The following PCDHAC2 variants were observed in gnomAD, a reference collection of about 807,000 sequenced individuals.
The protein encoded by PCDHAC2 is protocadherin alpha subfamily C, 2.
A neutral mutation model predicts 63.3 loss-of-function variants in PCDHAC2; 24 were observed. The observed-to-expected ratio is 0.38, with a 90% CI of 0.27 to 0.53. The LOEUF is 0.53. Ranked by LOEUF, PCDHAC2 falls within the 20% of genes least tolerant of loss-of-function variation. PCDHAC2 has a pLI of 0.81. For synonymous variants in PCDHAC2, 569 were observed against 529.4 expected, an observed-to-expected ratio of 1.07 and a Z score of -1.03; for missense variants, 1,181 against 1,275.2, an observed-to-expected ratio of 0.93 and a Z score of 1.12.
At chr5:141,005,469 C>T (rs549630927) in intron 3 of PCDHAC2, among the ~76,000 whole-genome samples, 2 of 151,656 alleles carry the variant, frequency 1.3e-5, no homozygotes, top group South Asian at 2.1e-4. Flanking sequence ...TTTGGGAGGC[C>T]GAGACGGGCG....
intron 1 of PCDHAC2, among the ~76,000 whole-genome samples, chr5:140,972,133 C>T (rs532498360): frequency 2.0e-5 from 3 of 152,072 alleles, no homozygotes; most frequent in East Asian, 3.9e-4. Flanking sequence ...CAGTGAGTTA[C>T]TACTATTTTT....
intron 3 of PCDHAC2, among the ~76,000 whole-genome samples, chr5:141,007,992 C>T (rs1215200964): frequency 1.3e-5 from 2 of 152,132 alleles, no homozygotes; most frequent in Admixed American, 6.5e-5. Context: ...ATGAAATGTA[C>T]ATGTTAATAA....
At chr5:140,997,225 C>T (rs1554255781) in intron 3 of PCDHAC2, among the ~76,000 whole-genome samples, 1 of 152,090 alleles carries the variant, frequency 6.6e-6, no homozygotes, top group African/African-American at 2.4e-5. Context: ...CTATCATTAC[C>T]ACCCAACTTC....
chr5:140,997,071 A>G lies in PCDHAC2; in HGVS notation c.2714-12556A>G, dbSNP rs554920320. Among the ~76,000 whole-genome samples, 444 of 152,266 alleles carry G rather than the reference A, an allele frequency of 2.9e-3. 5 individuals carry two copies. Among genetic ancestry groups the G allele is most frequent in the Non-Finnish European group, 4.4e-3 (297 of 68,014 alleles). Reference sequence around the variant, plus strand: ...TTTAGAGCAGTTTTAGGTTCACAGGAAAGTTGAGTAGAAAGTGCAGAGTTC... The same window carrying G: ...TTTAGAGCAGTTTTAGGTTCACAGGGAAGTTGAGTAGAAAGTGCAGAGTTC... On this transcript the variant is annotated intron_variant, in intron 3 of 3. Coordinates refer to ENST00000289269, the MANE Select transcript of PCDHAC2 (RefSeq NM_018899.6).
At chr5:140,991,409 T>C (rs1554252146) in intron 3 of PCDHAC2, among the ~76,000 whole-genome samples, 2 of 152,232 alleles carry the variant, frequency 1.3e-5, no homozygotes, top group Non-Finnish European at 1.5e-5. Flanking sequence ...TTTCCCATTA[T>C]GCTATAACAA....
At chr5:140,986,052 C>A (rs896963006) in intron 3 of PCDHAC2, among the ~76,000 whole-genome samples, 3 of 152,066 alleles carry the variant, frequency 2.0e-5, no homozygotes, top group Admixed American at 1.3e-4. Flanking sequence ...CTGATGAATT[C>A]TTTTGCTTTT....
rs368129984 is a variant in PCDHAC2 at position 140,967,316 on chromosome 5, A to G, written c.550A>G (p.Thr184Ala). ...DPDVGANSVQ[T>A]YELSPSEHFE... ...CGACGTGGGCGCCAACTCAGTACAG[A>G]CCTACGAGCTCAGCCCCAGCGAGCA... The change falls in exon 1 of 4, where the codon ACC (threonine) becomes GCC (alanine). Residue 184 changes from threonine to alanine, a missense_variant. By Grantham distance (58) the Thr-to-Ala change is moderately conservative. Coordinates refer to ENST00000289269, the MANE Select transcript of PCDHAC2 (RefSeq NM_018899.6). The G allele has an allele frequency of 4.3e-6, 7 of 1,610,310 alleles. No individual in the cohort carries two copies. The highest frequency in any genetic ancestry group is 4.0e-5 in the African/African-American group (3 of 74,954).
intron 3 of PCDHAC2, among the ~76,000 whole-genome samples, chr5:141,007,112 G>A (rs1554261059): frequency 6.6e-6 from 1 of 152,170 alleles, no homozygotes; most frequent in African/African-American, 2.4e-5. Flanking sequence ...ACCCAAGGAA[G>A]CTTCAACACA....
At chr5:140,978,795 G>T in intron 1 of PCDHAC2, 154 bp from the exon 2 acceptor site, 1 of 979,238 alleles carries the variant, frequency 1.0e-6, no homozygotes, top group Non-Finnish European at 1.2e-6. Flanking sequence ...TGCTATATAT[G>T]TAGATATCAT....
Position 140,967,000 on chromosome 5 carries a change from C to T in PCDHAC2, c.234C>T (p.Arg78=), listed in dbSNP as rs544624379. The T allele has an allele frequency of 6.1e-5, 98 of 1,604,962 alleles. No individual in the cohort carries two copies. The East Asian group carries it at 2.1e-3, about 35-fold the overall frequency. ...ELRRLGPGCL[R]INHLGAPSPR... is the part of the protein sequence containing the mutation. ...GGCGCTTGGGGCCGGGTTGCTTGCG[C>T]ATCAACCATCTGGGTGCGCCCAGTC... Residue 78 remains arginine, a synonymous_variant, in exon 1 of 4, where the codon CGC becomes CGT. Coordinates refer to ENST00000289269, the MANE Select transcript of PCDHAC2 (RefSeq NM_018899.6).
chr5:140,987,004 A>G (rs2097221558), intron 3 of PCDHAC2, among the ~76,000 whole-genome samples: 2 of 152,242 alleles, frequency 1.3e-5, no homozygotes, highest in Non-Finnish European at 2.9e-5. Flanking sequence ...ACTTGAGGTC[A>G]TGAGTTCGAG....
At position 140,966,925 on chromosome 5, in the gene PCDHAC2, A is replaced by C. The variant is rs782069766; in HGVS notation, c.159A>C (p.Ala53=). The C allele has an allele frequency of 6.2e-7, 1 of 1,603,462 alleles. No homozygotes were observed. The highest frequency in any genetic ancestry group is 8.5e-7 in the Non-Finnish European group (1 of 1,178,350). The change falls in exon 1 of 4, where the codon GCA becomes GCC. Residue 53 remains alanine (A), a synonymous_variant. Coordinates refer to ENST00000289269, the MANE Select transcript of PCDHAC2 (RefSeq NM_018899.6). The part of the protein sequence containing the change: ...QLRYSVPEEQ[A]PGALVGNVAR... ...GATACTCTGTGCCAGAGGAGCAGGC[A>C]CCCGGCGCGCTCGTGGGCAACGTGG...
intron 3 of PCDHAC2, among the ~76,000 whole-genome samples, chr5:140,994,578 A>C (rs1563601392): frequency 6.6e-6 from 1 of 151,958 alleles, no homozygotes; most frequent in Non-Finnish European, 1.5e-5. Context: ...GGTGGCATGC[A>C]CTTGTAGTCT....
rs1554229356 is a variant in PCDHAC2, at chr5:140,967,262, C to G, written c.496C>G (p.Arg166Gly). Reference sequence around the variant, plus strand: ...AAGCGAATCGGTGGCGCCTGGAGCGCGCTTTCACATAGAGAGTGCGCAGGA... The same window carrying G: ...AAGCGAATCGGTGGCGCCTGGAGCGGGCTTTCACATAGAGAGTGCGCAGGA... The part of the protein sequence containing the change: ...QVSESVAPGA[R>G]FHIESAQDPD... Residue 166 changes from arginine (R) to glycine (G), a missense_variant, in exon 1 of 4, where the codon CGC becomes GGC. Arg to Gly is a moderately radical substitution (Grantham distance 125). Around this residue, in one of 3 missense-constraint regions of PCDHAC2, gnomAD observed 968 missense variants for 1,073.5 expected, o/e 0.90. Coordinates refer to ENST00000289269, the MANE Select transcript of PCDHAC2 (RefSeq NM_018899.6). The G allele has an allele frequency of 6.2e-7, 1 of 1,613,522 alleles. No individual in the cohort carries two copies. Among genetic ancestry groups the G allele is most frequent in the African/African-American group, 1.3e-5 (1 of 75,066 alleles).
rs782034471 is a variant in PCDHAC2 at position 141,010,170 on chromosome 5, T to G, written c.*233T>G. ...TCCACTCTGGCTTGTTTTCAGAACCTAAAAAGCAGACCCAAGTTTCCTTTC... is the reference window on the plus strand; with the variant it reads ...TCCACTCTGGCTTGTTTTCAGAACCGAAAAAGCAGACCCAAGTTTCCTTTC... On this transcript the variant is annotated 3_prime_UTR_variant, in exon 4 of 4. Transcript: ENST00000289269. 6.4e-7 allele frequency: 1 copy of G among 1,559,590 alleles called. No individual in the cohort carries two copies.
chr5:140,969,274 TG>T lies in PCDHAC2; in HGVS notation c.2510del (p.Gly837ValfsTer7). 1 of 1,614,158 alleles carries T rather than the reference TG, an allele frequency of 6.2e-7. No homozygotes were observed. Among genetic ancestry groups the T allele is most frequent in the Non-Finnish European group, 8.5e-7 (1 of 1,180,030 alleles). Reference protein sequence around the residue: ...TDSRNLTGQSGQNAGNLIILK... With the variant: ...TDSRNLTGQSXQNAGNLIILK... ...ACAGCAGGAATCTCACAGGCCAAAG[TG>T]GTCAGAATGCTGGGAACCTGATTAT... On this transcript the variant is annotated frameshift_variant, in exon 1 of 4. Coordinates refer to ENST00000289269, the MANE Select transcript of PCDHAC2 (RefSeq NM_018899.6). LOFTEE classifies it high-confidence loss of function.
In PCDHAC2 at chr5:140,968,785, T is replaced by G; in HGVS notation, c.2019T>G (p.Ser673=). 1 of 1,614,226 alleles carries G rather than the reference T, an allele frequency of 6.2e-7. No homozygotes were observed. Among genetic ancestry groups the G allele is most frequent in the Non-Finnish European group, 8.5e-7 (1 of 1,180,042 alleles). ...RDNGEPSLSA[S]VAITVAVVDR... ...ATGGAGAGCCATCACTATCAGCCTC[T>G]GTGGCCATTACAGTAGCTGTGGTGG... Residue 673 remains serine (S), a synonymous_variant, in exon 1 of 4, where the codon TCT becomes TCG. Coordinates refer to ENST00000289269, the MANE Select transcript of PCDHAC2 (RefSeq NM_018899.6).
intron 3 of PCDHAC2, among the ~76,000 whole-genome samples, chr5:140,989,274 G>A (rs3756325): frequency 0.3 from 45,270 of 152,016 alleles, 6,976 homozygotes; most frequent in East Asian, 0.43. Flanking sequence ...GTTTCTGCTG[G>A]GGACATCTCA....
intron 1 of PCDHAC2, among the ~76,000 whole-genome samples, chr5:140,969,689 G>C (rs2096353737): frequency 6.6e-6 from 1 of 152,136 alleles, no homozygotes; most frequent in Admixed American, 6.5e-5. Context: ...AGGAGAAATG[G>C]CCTCTGCTGT....
Sources: allele counts gnomAD v4.1 joint callset (sites outside exome capture counted in the v4.1 genomes callset), GRCh38; gene constraint gnomAD v4.1.1; regional missense constraint gnomAD v4.1.1; transcripts MANE v1.5; gene names NCBI Gene and HGNC (gene_info 2026-07-23, HGNC 2026-07-21).